KIAA1671: variants seen among roughly 807,000 people sequenced by gnomAD.
KIAA1671 encodes KIAA1671.
In KIAA1671, 52 loss-of-function variants were observed where a neutral mutation model predicts 131.2. The ratio of observed to expected loss-of-function variants is 0.40; its 90% CI spans 0.32 to 0.50. KIAA1671 has a LOEUF of 0.50. Ranked by LOEUF, KIAA1671 falls within the 20% of genes least tolerant of loss-of-function variation. The pLI is 0.73. For missense variants in KIAA1671, 2,360 were observed against 2,364.2 expected, an observed-to-expected ratio of 1.00 and a Z score of 0.04; for synonymous variants, 1,003 against 961.6, an observed-to-expected ratio of 1.04 and a Z score of -0.80.
Position 25,097,300 on chromosome 22 carries a change from T to TC in KIAA1671, c.4530+47937dup, listed in dbSNP as rs1371688798. Among the ~76,000 whole-genome samples the TC allele has an allele frequency of 2.0e-5, 3 of 152,246 alleles. No individual in the cohort carries two copies. In the East Asian group the frequency reaches 5.8e-4, roughly 29 times the overall value. The stretch of plus-strand genomic sequence containing the variant: ...CATTTGGTACAATGGTGTTGTTTCA[T>TC]CAGTAGAGATGCTGAAAGTAACAAA... On this transcript the variant is annotated intron_variant, in intron 6 of 12. Coordinates refer to ENST00000358431, the MANE Select transcript of KIAA1671 (RefSeq NM_001145206.2).
intron 6 of KIAA1671, among the ~76,000 whole-genome samples, chr22:25,116,382 AGTATGTATGTATGTATGTAT>A (rs139621283): frequency 2.2e-5 from 3 of 139,152 alleles, no homozygotes; most frequent in South Asian, 2.5e-4. Flanking sequence ...CCCCTCCACC[AGTATGTATGTATGTATGTAT>A]GTATGTATGT....
intron 1 of KIAA1671, among the ~76,000 whole-genome samples, chr22:24,995,775 A>G (rs1184041522): frequency 1.3e-5 from 2 of 152,248 alleles, no homozygotes; most frequent in African/African-American, 4.8e-5. Flanking sequence ...AATCCTCACA[A>G]AAGCATGTGA....
At chr22:25,054,464 G>A (rs939331989) in intron 6 of KIAA1671, 10 of 149,234 alleles carry the variant, frequency 6.7e-5, no homozygotes, top group African/African-American at 2.4e-4. Flanking sequence ...GTGTATGCAG[G>A]GTGGGAGGTG....
Position 25,117,613 on chromosome 22 carries a change from A to G in KIAA1671, c.4531-53207A>G, listed in dbSNP as rs572274972. Among the ~76,000 whole-genome samples the G allele has an allele frequency of 1.6e-3, 237 of 151,320 alleles. 4 individuals carry two copies. In the East Asian group the frequency reaches 0.03, roughly 19 times the overall value. On this transcript the variant is annotated intron_variant, in intron 6 of 12. Transcript: ENST00000358431. ...CACACACACACACACACACACACAC[A>G]CACACACACACACACACACACACAG...
intron 1 of KIAA1671, among the ~76,000 whole-genome samples, chr22:24,992,998 G>A (rs5752036): frequency 0.5 from 76,077 of 151,454 alleles, 20,777 homozygotes; most frequent in African/African-American, 0.72. Flanking sequence ...TTGAGTCTGC[G>A]CACTGTGGAC....
intron 4 of KIAA1671, among the ~76,000 whole-genome samples, chr22:25,037,351 A>C (rs1279967270): frequency 6.6e-6 from 1 of 151,676 alleles, no homozygotes; most frequent in Non-Finnish European, 1.5e-5. Context: ...GTATATTGCA[A>C]AAAAATATAT....
At chr22:24,972,664 T>C (rs73157958) in intron 1 of KIAA1671, among the ~76,000 whole-genome samples, 3 of 99,040 alleles carry the variant, frequency 3.0e-5, no homozygotes, top group South Asian at 4.4e-4. Flanking sequence ...CTCCCTCCCT[T>C]CCTTCCTTCC....
chr22:25,171,093 CA>C (rs200855153), intron 7 of KIAA1671, among the ~76,000 whole-genome samples, 155 bp downstream of exon 7: 2,203 of 152,008 alleles, frequency 0.014, 29 homozygotes, highest in South Asian at 0.032. Context: ...TTAGGAAGTA[CA>C]AAAAAATAAT....
chr22:25,149,447 TG>T (rs1436988480), intron 6 of KIAA1671, among the ~76,000 whole-genome samples: 1 of 152,144 alleles, frequency 6.6e-6, no homozygotes, highest in Non-Finnish European at 1.5e-5. Context: ...TTTGATTTTC[TG>T]GGGTGCTGAT....
intron 1 of KIAA1671, among the ~76,000 whole-genome samples, chr22:25,016,330 GGGCT>G (rs1925318654): frequency 6.6e-6 from 1 of 152,062 alleles, no homozygotes; most frequent in Admixed American, 6.6e-5. Context: ...AGAATCACAG[GGGCT>G]CCCTTAAAAG....
intron 6 of KIAA1671, among the ~76,000 whole-genome samples, chr22:25,080,637 C>T (rs1222169036): frequency 6.6e-6 from 1 of 152,172 alleles, no homozygotes; most frequent in Admixed American, 6.5e-5. Context: ...AAGCCTCGAA[C>T]ATCTGGGCTC....
chr22:25,155,628 G>GT (rs1403527689), intron 6 of KIAA1671, among the ~76,000 whole-genome samples: 1 of 151,796 alleles, frequency 6.6e-6, no homozygotes, highest in African/African-American at 2.4e-5. Context: ...GTGTGAAAGT[G>GT]TTTTTTGTGT....
At chr22:25,083,082 A>G (rs1321502135) in intron 6 of KIAA1671, among the ~76,000 whole-genome samples, 3 of 152,344 alleles carry the variant, frequency 2.0e-5, no homozygotes, top group African/African-American at 2.4e-5. Flanking sequence ...CTGCCATATT[A>G]AAAAACCAGA....
At chr22:25,051,419 A>G (rs1376076473) in intron 6 of KIAA1671, 1 of 152,224 alleles carries the variant, frequency 6.6e-6, no homozygotes, top group African/African-American at 2.4e-5. Context: ...CTTCTGTAAG[A>G]TAAGGATAGT....
rs137998888 is a variant in KIAA1671, at chr22:25,135,752, T to A, written c.4531-35068T>A. ...AGAAAAGGACAGGGAGAGCACATCC[T>A]CTTGGGCTGTCCTCTTTGGTTCTGC... On this transcript the variant is annotated intron_variant, in intron 6 of 12. Coordinates refer to ENST00000358431, the MANE Select transcript of KIAA1671 (RefSeq NM_001145206.2). Among the ~76,000 whole-genome samples the A allele has an allele frequency of 8.3e-4, 126 of 152,334 alleles. 2 individuals are homozygous for A. The East Asian group carries it at 0.018, about 22-fold the overall frequency.
chr22:25,121,379 A>G (rs533502854), intron 6 of KIAA1671, among the ~76,000 whole-genome samples: 54 of 151,682 alleles, frequency 3.6e-4, no homozygotes, highest in Middle Eastern at 6.9e-3. Context: ...GGAGAAGGGC[A>G]TGAACCTGGG....
rs1336363337 is a variant in KIAA1671 at position 25,183,388 on chromosome 22, C to T, written c.5199+1565C>T. Among the ~76,000 whole-genome samples the T allele has an allele frequency of 7.9e-5, 12 of 152,150 alleles. No homozygotes were observed. In the East Asian group the frequency reaches 2.1e-3, roughly 27 times the overall value. On this transcript the variant is annotated intron_variant, in intron 10 of 12. Transcript: ENST00000358431. ...AGGCCCTTACAGTGTGAACATCTTT[C>T]AGTCACTAGAACTAGGTTAGAGGTT...
intron 1 of KIAA1671, chr22:25,023,502 CAT>C (rs1447666404): frequency 3.3e-5 from 5 of 152,220 alleles, no homozygotes; most frequent in Non-Finnish European, 7.3e-5. Flanking sequence ...TCAAGTGTAA[CAT>C]ATGTGATAAC....
chr22:25,029,360 T>G lies in KIAA1671; in HGVS notation c.1361T>G (p.Val454Gly). 1 of 1,551,018 alleles carries G rather than the reference T, an allele frequency of 6.4e-7. No individual in the cohort carries two copies. ...GAGGACAGCACCTTGGCCTTGGCAGTGGGGTCTGAATCTCCCCTGGCCACC... is the reference window on the plus strand; with the variant it reads ...GAGGACAGCACCTTGGCCTTGGCAGGGGGGTCTGAATCTCCCCTGGCCACC... ...FREDSTLALA[V>G]GSESPLATPA... Residue 454 changes from valine (V) to glycine (G), a missense_variant, in exon 3 of 13, where the codon GTG (valine) becomes GGG (glycine). Physicochemically the swap from Val to Gly is moderately radical, Grantham distance 109 (BLOSUM62 -3). This residue lies in a region of KIAA1671 where 1,185 missense variants were observed against 1,126.2 expected (regional missense o/e 1.05). Transcript: ENST00000358431.
Sources: allele counts gnomAD v4.1 joint callset (sites outside exome capture counted in the v4.1 genomes callset), GRCh38; gene constraint gnomAD v4.1.1; regional missense constraint gnomAD v4.1.1; transcripts MANE v1.5; gene names NCBI Gene and HGNC (gene_info 2026-07-23, HGNC 2026-07-21).